INTS1: variants seen among roughly 807,000 people sequenced by gnomAD.
INTS1 encodes the protein integrator complex subunit 1.
In INTS1, 137 loss-of-function variants were observed where a neutral mutation model predicts 241.6. The observed-to-expected ratio is 0.57, with a 90% CI of 0.49 to 0.65. INTS1 has a LOEUF of 0.65. INTS1 is among the 30% of genes least tolerant of loss of function. The pLI, the probability that INTS1 is intolerant of heterozygous loss-of-function variation, is 0.00. For synonymous variants in INTS1, 1,692 were observed against 1,337.8 expected, an observed-to-expected ratio of 1.26 and a Z score of -5.78; for missense variants, 3,073 against 3,032.2, an observed-to-expected ratio of 1.01 and a Z score of -0.32.
At chr7:1,489,064 G>A (rs1300072847) in intron 18 of INTS1, among the ~76,000 whole-genome samples, 1 of 152,082 alleles carries the variant, frequency 6.6e-6, no homozygotes, top group African/African-American at 2.4e-5. Flanking sequence ...CACTCCTGTC[G>A]GCAGCATAAG....
intron 39 of INTS1, among the ~76,000 whole-genome samples, chr7:1,475,704 A>G (rs903513573): frequency 1.3e-5 from 2 of 152,212 alleles, no homozygotes; most frequent in Non-Finnish European, 2.9e-5. Flanking sequence ...CGATCCACAC[A>G]ATGGCAGGCC....
intron 13 of INTS1, 149 bp downstream of exon 13, chr7:1,495,284 G>T: frequency 1.0e-6 from 1 of 983,088 alleles, no homozygotes. Flanking sequence ...GGCCTGGCTT[G>T]TCCCGGCTTA....
At position 1,473,116 on chromosome 7, in the gene INTS1, C is replaced by A. The variant is rs1041296750; in HGVS notation, c.6026G>T (p.Ser2009Ile). ...KSLLAGLSLPSRDDRTDRGLD... is the reference protein window; with the variant it reads ...KSLLAGLSLPIRDDRTDRGLD... ...GCCTCGGTCGGTCCTGTCGTCCCTG[C>A]TGGGCAGGCTGAGCCCTGCAAGGAG... The change falls in exon 43 of 48, where the codon AGC (serine) becomes ATC (isoleucine). Residue 2009 changes from serine to isoleucine, a missense_variant. By Grantham distance (142) the Ser-to-Ile change is moderately radical. Transcript: ENST00000404767. 5.0e-6 allele frequency: 8 copies of A among 1,611,958 alleles called. No individual in the cohort carries two copies. Among genetic ancestry groups the A allele is most frequent in the Non-Finnish European group, 6.8e-6 (8 of 1,179,390 alleles).
At chr7:1,494,003 C>T in intron 14 of INTS1, 92 bp from the exon 15 acceptor site, 1 of 1,436,674 alleles carries the variant, frequency 7.0e-7, no homozygotes, top group African/African-American at 1.4e-5. Context: ...CCTCAGAGCC[C>T]ACGGGCTGGT....
At position 1,476,047 on chromosome 7, in the gene INTS1, G is replaced by T. The variant is rs768259844; in HGVS notation, c.5403C>A (p.Asp1801Glu). 1 of 1,545,052 alleles carries T rather than the reference G, an allele frequency of 6.5e-7. No homozygotes were observed. The highest frequency in any genetic ancestry group is 2.0e-5 in the Admixed American group (1 of 50,992). The change falls in exon 39 of 48, where the codon GAC (aspartate) becomes GAA (glutamate). Residue 1801 changes from aspartate to glutamate, a missense_variant. By Grantham distance (45) the Asp-to-Glu change is conservative (BLOSUM62 2). Transcript: ENST00000404767. ...GDSVLGRRCR[D>E]LLLQLYLQRP... is the part of the protein sequence containing the mutation. ...GCTGTAGGTAGAGCTGCAGGAGAAG[G>T]TCTCGGCAGCGCCTGCCCAGCACGC...
chr7:1,494,467 G>A (rs1206680123), intron 14 of INTS1: 2 of 385,830 alleles, frequency 5.2e-6, no homozygotes, highest in Admixed American at 3.7e-5. Flanking sequence ...ACAGTGTGCG[G>A]CTGTCTGGAC....
intron 16 of INTS1, among the ~76,000 whole-genome samples, chr7:1,490,553 A>T (rs932040313): frequency 6.6e-6 from 1 of 152,170 alleles, no homozygotes; most frequent in African/African-American, 2.4e-5. Context: ...GCTCTGGATA[A>T]AGGGAAACCC....
chr7:1,478,998 T>TG, intron 31 of INTS1, 113 bp from the exon 32 acceptor site: 1 of 1,263,676 alleles, frequency 7.9e-7, no homozygotes, highest in Non-Finnish European at 1.1e-6. Context: ...GACCGGCACT[T>TG]GGAGCCTGGG....
rs1014896929 is a variant in INTS1 at position 1,474,322 on chromosome 7, G to A, written c.5675C>T (p.Thr1892Ile). The A allele has an allele frequency of 1.9e-6, 3 of 1,606,536 alleles. No homozygotes were observed. The highest frequency in any genetic ancestry group is 2.5e-6 in the Non-Finnish European group (3 of 1,178,214). ...CCGGAACTCCTGGAAGTTGAGGTGG[G>A]TGCGGCCGTGCAGGAGCGCCGCGAT... ...PMIAALLHGR[T>I]HLNFQEFRQQ... Residue 1892 changes from threonine to isoleucine, a missense_variant, in exon 41 of 48, where the codon ACC becomes ATC. Physicochemically the swap from Thr to Ile is moderately conservative, Grantham distance 89 (BLOSUM62 -1). Transcript: ENST00000404767.
chr7:1,492,213 G>A (rs901307143), intron 16 of INTS1, among the ~76,000 whole-genome samples: 3 of 152,196 alleles, frequency 2.0e-5, no homozygotes, highest in Non-Finnish European at 2.9e-5. Flanking sequence ...GCAGGGGAGC[G>A]GAAGCAGCAG....
Position 1,499,581 on chromosome 7 carries a change from A to AGTTT in INTS1, c.735_736insAAAC (p.Cys246LysfsTer3). 6.2e-7 allele frequency: 1 copy of AGTTT among 1,613,456 alleles called. No individual in the cohort carries two copies. Among genetic ancestry groups the AGTTT allele is most frequent in the Non-Finnish European group, 8.5e-7 (1 of 1,179,660 alleles). ...TGGATGTTGTCCACAAACGTCTTAC[A>AGTTT]GTGAGGGCTGTCCACCCAGATCCGC... On this transcript the variant is annotated frameshift_variant, in exon 6 of 48. Coordinates refer to ENST00000404767, the MANE Select transcript of INTS1 (RefSeq NM_001080453.3). LOFTEE classifies it high-confidence loss of function.
chr7:1,491,882 G>C (rs1402471076), intron 16 of INTS1, among the ~76,000 whole-genome samples: 1 of 152,164 alleles, frequency 6.6e-6, no homozygotes, highest in Non-Finnish European at 1.5e-5. Flanking sequence ...CTAGGTGACA[G>C]ACAGAGCAAG....
In INTS1 at chr7:1,473,608, G is replaced by A. The variant is rs1452340909; in HGVS notation, c.5915C>T (p.Pro1972Leu). The A allele has an allele frequency of 9.3e-6, 15 of 1,611,082 alleles. No homozygotes were observed. Among genetic ancestry groups the A allele is most frequent in the South Asian group, 1.1e-5 (1 of 90,504 alleles). The stretch of plus-strand genomic sequence containing the variant: ...CTTCTGCAGGAAGGAGATGGCTGCT[G>A]GGGCATTGTAGGTAATGTACTTATG... ...FIHKYITYNAPAAISFLQKHA... is the reference protein window; with the variant it reads ...FIHKYITYNALAAISFLQKHA... Residue 1972 changes from proline to leucine, a missense_variant, in exon 42 of 48, where the codon CCA becomes CTA. Pro to Leu is a moderately conservative substitution (Grantham distance 98). Coordinates refer to ENST00000404767, the MANE Select transcript of INTS1 (RefSeq NM_001080453.3).
intron 41 of INTS1, 21 bp downstream of exon 41, chr7:1,474,147 G>T (rs778907768): frequency 4.5e-6 from 7 of 1,542,100 alleles, no homozygotes; most frequent in Non-Finnish European, 6.1e-6. Context: ...GAGCGCGAGG[G>T]CGGGCGGCGG....
At position 1,470,435 on chromosome 7, in the gene INTS1, C is replaced by A. The variant is rs1423006724; in HGVS notation, c.*142G>T. On this transcript the variant is annotated 3_prime_UTR_variant, in exon 48 of 48. Transcript: ENST00000404767. ...AGCCACCCCAGGGCTCGGAGTATTG[C>A]TCCTGGGCCTGCCTGGCCTCAGGGC... is the stretch of plus-strand genomic sequence containing the variant. 14 of 615,628 alleles carry A rather than the reference C, an allele frequency of 2.3e-5. No individual in the cohort carries two copies. The highest frequency in any genetic ancestry group is 3.0e-5 in the Non-Finnish European group (11 of 370,516). The allele number at this position is 615,628 out of a possible 1,614,324, so 38.1% of individuals were successfully genotyped here.
intron 35 of INTS1, among the ~76,000 whole-genome samples, 161 bp downstream of exon 35, chr7:1,477,389 A>G (rs1008855555): frequency 1.3e-5 from 2 of 150,630 alleles, no homozygotes; most frequent in Non-Finnish European, 3.0e-5. Flanking sequence ...CCATTGGGGG[A>G]CCTACCCTTC....
Position 1,476,904 on chromosome 7 carries a change from G to A in INTS1, c.4953C>T (p.Ala1651=). 1 of 1,611,464 alleles carries A rather than the reference G, an allele frequency of 6.2e-7. No homozygotes were observed. Among genetic ancestry groups the A allele is most frequent in the Non-Finnish European group, 8.5e-7 (1 of 1,179,540 alleles). ...LFSRRKGKGQ[A]QVPSFRPYLL... The stretch of plus-strand genomic sequence containing the variant: ...GGTAGGGACGGAACGAGGGCACCTG[G>A]GCCTGACCTTTGCCCTGGGGAGGGA... Residue 1651 remains alanine, a synonymous_variant, in exon 36 of 48, where the codon GCC becomes GCT. Coordinates refer to ENST00000404767, the MANE Select transcript of INTS1 (RefSeq NM_001080453.3).
intron 16 of INTS1, among the ~76,000 whole-genome samples, chr7:1,491,419 T>C (rs2128541051): frequency 6.6e-6 from 1 of 152,280 alleles, no homozygotes; most frequent in Non-Finnish European, 1.5e-5. Context: ...GACCCCTGCC[T>C]CACACCATAA....
At chr7:1,483,561 C>T (rs1280037105) in intron 26 of INTS1, 181 bp downstream of exon 26, 1 of 645,472 alleles carries the variant, frequency 1.5e-6, no homozygotes, top group Admixed American at 2.2e-5. Context: ...CCACCAAGTG[C>T]TCAGAGACAC....
Sources: gnomAD v4.1 joint callset for allele counts (sites outside exome capture counted in the v4.1 genomes callset) on GRCh38, gnomAD v4.1.1 for gene constraint, MANE v1.5 for transcripts, NCBI Gene and HGNC (gene_info 2026-07-23, HGNC 2026-07-21) for gene names.